The following RPSA2 variants were observed in gnomAD, a reference collection of about 807,000 sequenced individuals.
RPSA2 encodes the protein ribosomal protein SA 2, also known as small ribosomal subunit protein uS2B.
At chr19:23,792,811 C>G in the RPSA2 span, among the ~76,000 whole-genome samples, 5 of 151,818 alleles carry the variant, frequency 3.3e-5, no homozygotes, top group Non-Finnish European at 7.4e-5. Flanking sequence ...CCGCGCCAGG[C>G]CAAGAGTTTT....
At chr19:23,758,954 TC>T in the RPSA2 span, 1 of 639,032 alleles carries the variant, frequency 1.6e-6, no homozygotes, top group Non-Finnish European at 2.8e-6. Flanking sequence ...ATTGGACAGT[TC>T]CCAGCCCAGC....
chr19:23,793,624 G>A, the RPSA2 span, among the ~76,000 whole-genome samples: 4 of 151,580 alleles, frequency 2.6e-5, no homozygotes, highest in Non-Finnish European at 4.4e-5. Context: ...GTGCAATGGC[G>A]TGATTTTGGT....
the RPSA2 span, among the ~76,000 whole-genome samples, chr19:23,767,955 C>T: frequency 6.6e-6 from 1 of 151,710 alleles, no homozygotes; most frequent in Admixed American, 6.6e-5. Context: ...TTAGTAGAGA[C>T]GGGGTTTCAC....
chr19:23,846,843 GT>G, the RPSA2 span, among the ~76,000 whole-genome samples: 2 of 152,134 alleles, frequency 1.3e-5, no homozygotes, highest in African/African-American at 4.8e-5. Flanking sequence ...CCATATTGAG[GT>G]CTGTTTTGCA....
At chr19:23,838,552 T>G in the RPSA2 span, among the ~76,000 whole-genome samples, 1 of 152,042 alleles carries the variant, frequency 6.6e-6, no homozygotes, top group Non-Finnish European at 1.5e-5. Flanking sequence ...TTTTTTTTTG[T>G]TGGTGGTAAG....
chr19:23,816,169 C>G, the RPSA2 span, among the ~76,000 whole-genome samples: 1 of 152,066 alleles, frequency 6.6e-6, no homozygotes, highest in Non-Finnish European at 1.5e-5. Flanking sequence ...GGGTCTCACT[C>G]TGTCAACCAG....
the RPSA2 span, among the ~76,000 whole-genome samples, chr19:23,865,918 T>A: frequency 2.0e-5 from 3 of 152,228 alleles, no homozygotes; most frequent in Non-Finnish European, 4.4e-5. Context: ...TTCAGAGCCA[T>A]GTGCCTTCCA....
chr19:23,805,143 AC>A, the RPSA2 span, among the ~76,000 whole-genome samples: 1 of 8,452 alleles, frequency 1.2e-4, no homozygotes, highest in African/African-American at 1.7e-4. Flanking sequence ...ACACACACAC[AC>A]ACACACACAC....
chr19:23,839,025 G>T, the RPSA2 span, among the ~76,000 whole-genome samples: 1 of 151,588 alleles, frequency 6.6e-6, no homozygotes, highest in Non-Finnish European at 1.5e-5. Flanking sequence ...TGTTTCTCTA[G>T]TTCCTTGTCT....
At chr19:23,831,333 T>C in the RPSA2 span, among the ~76,000 whole-genome samples, 1 of 152,180 alleles carries the variant, frequency 6.6e-6, no homozygotes, top group Non-Finnish European at 1.5e-5. Context: ...GGAAAAGCTG[T>C]GTTGGGTGAA....
At chr19:23,779,322 T>A in the RPSA2 span, among the ~76,000 whole-genome samples, 148,934 of 152,258 alleles carry the variant, frequency 0.98, 72,934 homozygotes, top group Middle Eastern at 1. Flanking sequence ...TTGACTGAGC[T>A]CCTAGGTAAT....
the RPSA2 span, among the ~76,000 whole-genome samples, chr19:23,847,420 A>G: frequency 1.3e-5 from 2 of 152,274 alleles, no homozygotes; most frequent in South Asian, 2.1e-4. Flanking sequence ...AAAGAGAGGA[A>G]TTTTACAGCT....
At chr19:23,849,346 C>CA in the RPSA2 span, among the ~76,000 whole-genome samples, 148,809 of 152,138 alleles carry the variant, frequency 0.98, 72,867 homozygotes, top group Middle Eastern at 1. Context: ...AGGGGCATAC[C>CA]TGGATTGAGA....
At chr19:23,827,730 C>G in the RPSA2 span, 5 of 1,580,042 alleles carry the variant, frequency 3.2e-6, no homozygotes, top group Non-Finnish European at 4.3e-6. Flanking sequence ...GGCACCATTT[C>G]CCGTGAACAC....
the RPSA2 span, among the ~76,000 whole-genome samples, chr19:23,867,568 C>T: frequency 5.9e-5 from 9 of 152,078 alleles, no homozygotes; most frequent in Admixed American, 1.3e-4. Context: ...CGGTGGCTCA[C>T]GCCTGTAATC....
At chr19:23,759,768 C>A in the RPSA2 span, among the ~76,000 whole-genome samples, 2 of 151,676 alleles carry the variant, frequency 1.3e-5, no homozygotes. Flanking sequence ...GTGATTGGCC[C>A]GCCTCAGCCT....
the RPSA2 span, among the ~76,000 whole-genome samples, chr19:23,775,069 C>T: frequency 5.5e-3 from 836 of 152,284 alleles, 42 homozygotes; most frequent in East Asian, 0.12. Context: ...GATTCTGGCT[C>T]TCCCCTTTGT....
chr19:23,841,559 C>T, the RPSA2 span, among the ~76,000 whole-genome samples: 2 of 152,192 alleles, frequency 1.3e-5, no homozygotes, highest in Admixed American at 1.3e-4. Flanking sequence ...GAAAGCTCCC[C>T]TGTCACGCCA....
the RPSA2 span, among the ~76,000 whole-genome samples, chr19:23,865,162 T>TGGCA: frequency 6.6e-6 from 1 of 152,184 alleles, no homozygotes; most frequent in African/African-American, 2.4e-5. Flanking sequence ...ACAAATATGC[T>TGGCA]GGCAGTGGAT....
Sources: gnomAD v4.1 joint callset for allele counts (sites outside exome capture counted in the v4.1 genomes callset) on GRCh38, gnomAD v4.1.1 for gene constraint, MANE v1.5 for transcripts, NCBI Gene and HGNC (gene_info 2026-07-23, HGNC 2026-07-21) for gene names.